TMEM243: variants seen among roughly 807,000 people sequenced by gnomAD.
TMEM243 encodes the protein transmembrane protein 243.
Under a neutral mutation model 15.0 loss-of-function variants are expected in TMEM243, and 20 were observed. The ratio of observed to expected loss-of-function variants is 1.33; its 90% CI spans 0.94 to 1.93. The LOEUF is 1.93. Among genes scored for constraint, TMEM243 ranks in the 30% most tolerant of loss-of-function variants. The pLI is 0.00. For synonymous variants in TMEM243, 72 were observed against 52.7 expected, an observed-to-expected ratio of 1.37 and a Z score of -1.59; for missense variants, 156 against 142.1, an observed-to-expected ratio of 1.10 and a Z score of -0.50.
intron 1 of TMEM243, among the ~76,000 whole-genome samples, chr7:87,202,513 A>G (rs370480950): frequency 6.6e-6 from 1 of 152,242 alleles, no homozygotes; most frequent in African/African-American, 2.4e-5. Context: ...GGAGAAAAAG[A>G]TGGAGATATA....
chr7:87,209,400 T>C (rs1348164604), intron 1 of TMEM243, among the ~76,000 whole-genome samples: 2 of 149,814 alleles, frequency 1.3e-5, no homozygotes, highest in South Asian at 2.1e-4. Flanking sequence ...GACAAAGACA[T>C]AGTGAATGAG....
intron 1 of TMEM243, among the ~76,000 whole-genome samples, chr7:87,215,667 T>C (rs1803054463): frequency 6.6e-6 from 1 of 152,144 alleles, no homozygotes; most frequent in Admixed American, 6.5e-5. Context: ...ATTTTTCACC[T>C]GAAAGAGAAG....
intron 1 of TMEM243, among the ~76,000 whole-genome samples, chr7:87,207,087 G>A (rs1432208480): frequency 1.3e-5 from 2 of 152,248 alleles, no homozygotes; most frequent in Non-Finnish European, 2.9e-5. Flanking sequence ...GCTAGGCTCT[G>A]TTGTTCCCAA....
chr7:87,197,688 A>ATTTT (rs71906317), intron 3 of TMEM243: 10 of 982,144 alleles, frequency 1.0e-5, no homozygotes, highest in Non-Finnish European at 1.3e-5. Context: ...CTTTCCACTA[A>ATTTT]TTTTTTTTTT....
intron 1 of TMEM243, among the ~76,000 whole-genome samples, chr7:87,202,030 AG>A (rs1246422362): frequency 6.6e-6 from 1 of 152,214 alleles, no homozygotes; most frequent in African/African-American, 2.4e-5. Flanking sequence ...ATGAACATAA[AG>A]ACAGACGTTG....
chr7:87,196,685 A>ATGAT lies in TMEM243; in HGVS notation c.304_307dup (p.Ile103AsnfsTer14), dbSNP rs1161619890. 1 of 1,610,320 alleles carries ATGAT rather than the reference A, an allele frequency of 6.2e-7. No individual in the cohort carries two copies. The highest frequency in any genetic ancestry group is 1.7e-5 in the Admixed American group (1 of 59,594). ...CAGGTTTGCACATATACACAACATG[A>ATGAT]TGATAGAAAATATGATATAGTAAAT... On this transcript the variant is annotated frameshift_variant, in exon 4 of 4. Transcript: ENST00000257637. LOFTEE classifies it high-confidence loss of function.
At position 87,196,663 on chromosome 7, in the gene TMEM243, G is replaced by T. The variant is rs1801274539; in HGVS notation, c.330C>A (p.Asn110Lys). 1.2e-6 allele frequency: 2 copies of T among 1,609,850 alleles called. No individual in the cohort carries two copies. The highest frequency in any genetic ancestry group is 1.7e-5 in the Admixed American group (1 of 59,510). Residue 110 changes from asparagine (N) to lysine (K), a missense_variant, in exon 4 of 4, where the codon AAC becomes AAA. Coordinates refer to ENST00000257637, the MANE Select transcript of TMEM243 (RefSeq NM_024315.4). ...ACCTTCCCACATCATGGAAGTACAG[G>T]TTTGCACATATACACAACATGATGA... Reference protein sequence around the residue: ...FSIIMLCICANLYFHDVGR With the variant: ...FSIIMLCICAKLYFHDVGR
chr7:87,196,699 G>T lies in TMEM243; in HGVS notation c.294C>A (p.Ile98=), dbSNP rs1038582170. The part of the protein sequence containing the change: ...EPKFRKLIYY[I]IFSIIMLCIC... ...TACACAACATGATGATAGAAAATAT[G>T]ATATAGTAAATTAGCTTTCTAAATT... Residue 98 remains isoleucine (I), a synonymous_variant, in exon 4 of 4, where the codon ATC becomes ATA. Coordinates refer to ENST00000257637, the MANE Select transcript of TMEM243 (RefSeq NM_024315.4). The T allele has an allele frequency of 6.2e-7, 1 of 1,608,854 alleles. No homozygotes were observed.
intron 1 of TMEM243, among the ~76,000 whole-genome samples, chr7:87,199,865 G>A (rs1801653519): frequency 6.6e-6 from 1 of 152,144 alleles, no homozygotes; most frequent in Admixed American, 6.6e-5. Context: ...GTAGTTTCAG[G>A]TACTACTAAA....
intron 1 of TMEM243, among the ~76,000 whole-genome samples, chr7:87,209,486 G>C (rs1300808700): frequency 3.3e-5 from 4 of 120,930 alleles, no homozygotes; most frequent in African/African-American, 1.2e-4. Context: ...GTGAGATAGT[G>C]AGAGAGAGAG....
chr7:87,213,221 A>G (rs947959020), intron 1 of TMEM243, among the ~76,000 whole-genome samples: 79 of 152,238 alleles, frequency 5.2e-4, no homozygotes, highest in African/African-American at 1.8e-3. Context: ...TTCCAGAAAT[A>G]CCAGTGCCTA....
intron 1 of TMEM243, among the ~76,000 whole-genome samples, chr7:87,201,120 C>T (rs1801773711): frequency 6.6e-6 from 1 of 152,172 alleles, no homozygotes; most frequent in Non-Finnish European, 1.5e-5. Flanking sequence ...TGTAGTGGTC[C>T]CCTCTGGGAT....
At chr7:87,213,701 A>G (rs955149011) in intron 1 of TMEM243, among the ~76,000 whole-genome samples, 3 of 152,242 alleles carry the variant, frequency 2.0e-5, no homozygotes, top group African/African-American at 2.4e-5. Context: ...TTATTTGCAG[A>G]GGCCAAATGC....
At chr7:87,209,647 A>AGAGACAGAGC (rs1491351492) in intron 1 of TMEM243, among the ~76,000 whole-genome samples, 5 of 68,278 alleles carry the variant, frequency 7.3e-5, no homozygotes, top group South Asian at 6.4e-4. Flanking sequence ...CGAGAGAGAC[A>AGAGACAGAGC]GTGAGAGACA....
rs768484107 is a variant in TMEM243, at chr7:87,219,527, A to T, written c.-24T>A. 25 of 1,611,864 alleles carry T rather than the reference A, an allele frequency of 1.6e-5. No homozygotes were observed. The East Asian group carries it at 3.3e-4, about 22-fold the overall frequency. Reference sequence around the variant, plus strand: ...ATTTTGGGGTTTCTTCACTTTCCCCAAGCCACTTAAAAGCAAGACAGCATG... The same window carrying T: ...ATTTTGGGGTTTCTTCACTTTCCCCTAGCCACTTAAAAGCAAGACAGCATG... On this transcript the variant is annotated 5_prime_UTR_variant, in exon 1 of 4. Transcript: ENST00000257637.
At chr7:87,218,276 G>A (rs950590636) in intron 1 of TMEM243, among the ~76,000 whole-genome samples, 1 of 152,158 alleles carries the variant, frequency 6.6e-6, no homozygotes, top group Non-Finnish European at 1.5e-5. Flanking sequence ...CTGTGGGCTG[G>A]GATTATACAA....
chr7:87,209,761 AGT>A (rs1335659318), intron 1 of TMEM243, among the ~76,000 whole-genome samples: 8 of 140,516 alleles, frequency 5.7e-5, no homozygotes, highest in African/African-American at 1.9e-4. Flanking sequence ...AGAGCGAGAC[AGT>A]GAGAGCGAGA....
At chr7:87,215,555 C>G (rs556734883) in intron 1 of TMEM243, among the ~76,000 whole-genome samples, 1 of 152,050 alleles carries the variant, frequency 6.6e-6, no homozygotes, top group East Asian at 1.9e-4. Flanking sequence ...TATGGCTGCT[C>G]ACATCATATT....
Position 87,219,572 on chromosome 7 carries a change from C to A in TMEM243, c.-69G>T. 1 of 1,402,134 alleles carries A rather than the reference C, an allele frequency of 7.1e-7. No individual in the cohort carries two copies. The highest frequency in any genetic ancestry group is 1.2e-5 in the South Asian group (1 of 84,872). The allele number at this position is 1,402,134 out of a possible 1,614,324, so 86.9% of individuals were successfully genotyped here. Reference sequence around the variant, plus strand: ...AGCATGACCTCCCGAGGTCTCAGGTCCACGACTGCAAGCCTCCTCCTCACG... The same window carrying A: ...AGCATGACCTCCCGAGGTCTCAGGTACACGACTGCAAGCCTCCTCCTCACG... On this transcript the variant is annotated 5_prime_UTR_variant, in exon 1 of 4. Coordinates refer to ENST00000257637, the MANE Select transcript of TMEM243 (RefSeq NM_024315.4).
Sources: gnomAD v4.1 joint callset for allele counts (sites outside exome capture counted in the v4.1 genomes callset) on GRCh38, gnomAD v4.1.1 for gene constraint, MANE v1.5 for transcripts, NCBI Gene and HGNC (gene_info 2026-07-23, HGNC 2026-07-21) for gene names.